Variants in CHRND observed in about 807,000 individuals in gnomAD.
The protein encoded by CHRND is cholinergic receptor nicotinic delta subunit, also known as acetylcholine receptor subunit delta.
CHRND carries 40 observed loss-of-function variants against 57.8 expected under a neutral mutation model. The observed-to-expected ratio is 0.69, with a 90% CI of 0.54 to 0.90. CHRND has a LOEUF of 0.90. CHRND is among the 40% of genes least tolerant of loss of function. The probability of loss-of-function intolerance (pLI) is 0.00; values close to 1 mark genes in which losing one functional copy is unlikely to be tolerated. For synonymous variants in CHRND, 237 were observed against 270.6 expected, an observed-to-expected ratio of 0.88 and a Z score of 1.22; for missense variants, 634 against 673.9, an observed-to-expected ratio of 0.94 and a Z score of 0.66.
intron 11 of CHRND, 98 bp from the exon 12 acceptor site, chr2:232,535,032 T>A: frequency 6.9e-7 from 1 of 1,446,194 alleles, no homozygotes; most frequent in South Asian, 1.2e-5. Flanking sequence ...GCAGGCACAC[T>A]GAGCCGCCCT....
chr2:232,528,150 C>T (rs1301838890), intron 3 of CHRND, 112 bp from the exon 4 acceptor site: 17 of 1,009,166 alleles, frequency 1.7e-5, no homozygotes, highest in African/African-American at 3.2e-5. Flanking sequence ...CTTCCCCAAA[C>T]CTCTTTTGTC....
rs539567539 is a variant in CHRND, at chr2:232,533,362, C to T, written c.1048-569C>T. 7.6e-4 allele frequency among the ~76,000 whole-genome samples: 116 copies of T among 152,246 alleles called. 2 individuals carry two copies. The highest frequency in any genetic ancestry group is 1.1e-3 in the Non-Finnish European group (78 of 68,016). On this transcript the variant is annotated intron_variant, in intron 9 of 11. Coordinates refer to ENST00000258385, the MANE Select transcript of CHRND (RefSeq NM_000751.3). ...CTTTCAGCATTTGATGGGGGAGACT[C>T]TAGCATTTGGAGCATTTACCTTAGT...
At chr2:232,529,838 T>A in intron 6 of CHRND, 101 bp from the exon 7 acceptor site, 1 of 1,309,982 alleles carries the variant, frequency 7.6e-7, no homozygotes. Context: ...CATCTGCGTC[T>A]CTGGACTGGC....
At chr2:232,535,053 G>A in intron 11 of CHRND, 77 bp from the exon 12 acceptor site, 2 of 1,569,484 alleles carry the variant, frequency 1.3e-6, no homozygotes, top group Non-Finnish European at 1.7e-6. Context: ...CTGCCTCCAT[G>A]GCTGGGCCCC....
rs759993951 is a variant in CHRND, at chr2:232,534,331, A to G, written c.1360A>G (p.Asn454Asp). The change falls in exon 11 of 12, where the codon AAT becomes GAT. Residue 454 changes from asparagine (N) to aspartate (D), a missense_variant. Physicochemically the swap from Asn to Asp is conservative, Grantham distance 23. Transcript: ENST00000258385. ...TGTTAACCACATGAGGGACCAGAAC[A>G]ATTACAATGAGGTAAGGGACCACAG... Reference protein sequence around the residue: ...FIVNHMRDQNNYNEEKDSWNR... With the variant: ...FIVNHMRDQNDYNEEKDSWNR... 1 of 1,614,104 alleles carries G rather than the reference A, an allele frequency of 6.2e-7. No homozygotes were observed. The highest frequency in any genetic ancestry group is 1.7e-5 in the Admixed American group (1 of 60,032).
In CHRND at chr2:232,534,214, T is replaced by G. The variant is rs199508773; in HGVS notation, c.1253-10T>G. ...CAGGCCTCACACCCACTCTGGCCCC[T>G]CGTCTGTAGGCCGGCCCCCAGCAAG... On this transcript the variant is annotated splice_polypyrimidine_tract_variant and intron_variant, in intron 10 of 11. Transcript: ENST00000258385. The G allele has an allele frequency of 9.4e-5, 151 of 1,613,992 alleles. No individual in the cohort carries two copies. Among genetic ancestry groups the G allele is most frequent in the Non-Finnish European group, 1.2e-4 (139 of 1,180,010 alleles).
rs950448426 is a variant in CHRND at position 232,535,516 on chromosome 2, C to T, written c.*204C>T. On this transcript the variant is annotated 3_prime_UTR_variant, in exon 12 of 12. Coordinates refer to ENST00000258385, the MANE Select transcript of CHRND (RefSeq NM_000751.3). ...CCCGAGATGGTCTGAGGGTGGACAT[C>T]GGCTACAGTGGGTGGGCAGGACGAT... is the stretch of plus-strand genomic sequence containing the variant. 6 of 748,712 alleles carry T rather than the reference C, an allele frequency of 8.0e-6. No individual in the cohort carries two copies. Among genetic ancestry groups the T allele is most frequent in the African/African-American group, 1.7e-5 (1 of 58,082 alleles). 46.4% of individuals were successfully genotyped at this position (748,712 alleles called of 1,614,324 possible).
In CHRND at chr2:232,534,104, G is replaced by T. The variant is rs144431038; in HGVS notation, c.1221G>T (p.Arg407=). The T allele has an allele frequency of 6.2e-6, 10 of 1,614,002 alleles. No homozygotes were observed. In the East Asian group the frequency reaches 1.6e-4, roughly 25 times the overall value. Residue 407 remains arginine (R), a synonymous_variant, in exon 10 of 12, where the codon CGG becomes CGT. Coordinates refer to ENST00000258385, the MANE Select transcript of CHRND (RefSeq NM_000751.3). ...TCATGTTCGAGAAGCAGTCAGAGCG[G>T]CATGGGCTGGCCAGGCGCCTCACCA... ...SDLMFEKQSE[R]HGLARRLTTA...
At position 232,536,604 on chromosome 2, in the gene CHRND, C is replaced by G. The variant is rs1245775140; in HGVS notation, c.*1292C>G. On this transcript the variant is annotated 3_prime_UTR_variant, in exon 12 of 12. Coordinates refer to ENST00000258385, the MANE Select transcript of CHRND (RefSeq NM_000751.3). ...TAAGCCAGAACCACCAGCTAAGTGA[C>G]TCCTGGATTCCTGACCCCCAGAAAC... The G allele has an allele frequency of 5.3e-6, 2 of 374,154 alleles. No homozygotes were observed. The highest frequency in any genetic ancestry group is 1.1e-5 in the Non-Finnish European group (2 of 188,860). The allele number at this position is 374,154 out of a possible 1,614,324, so 23.2% of individuals were successfully genotyped here.
At position 232,526,259 on chromosome 2, in the gene CHRND, C is replaced by A; in HGVS notation, c.44C>A (p.Ala15Glu). Residue 15 changes from alanine (A) to glutamate (E), a missense_variant, in exon 1 of 12, where the codon GCG becomes GAG. Transcript: ENST00000258385. ...VLTLGLLAAL[A>E]VCGSWGLNEE... ...ACACTGGGGCTGCTGGCTGCCCTGG[C>A]GGTGTGTGGTAAGGGAAGACACCCT... The A allele has an allele frequency of 1.9e-6, 3 of 1,612,958 alleles. No homozygotes were observed. The highest frequency in any genetic ancestry group is 1.8e-4 in the Middle Eastern group (1 of 5,688).
rs142634622 is a variant in CHRND, at chr2:232,528,132, G to C, written c.244-130G>C. The C allele has an allele frequency of 1.8e-4, 147 of 817,424 alleles. 1 individual carries two copies. In the African/African-American group the frequency reaches 1.8e-3, roughly 10 times the overall value. The allele number at this position is 817,424 out of a possible 1,614,324, so 50.6% of individuals were successfully genotyped here. On this transcript the variant is annotated intron_variant, in intron 3 of 11. Transcript: ENST00000258385. ...CATGACAGACCTGAATCCGCACTCT[G>C]TACCTGCCTTCCCCAAACCTCTTTT...
rs114463490 is a variant in CHRND, at chr2:232,535,288, C to G, written c.1530C>G (p.Asn510Lys). The G allele has an allele frequency of 1.2e-6, 2 of 1,613,960 alleles. No individual in the cohort carries two copies. Among genetic ancestry groups the G allele is most frequent in the South Asian group, 2.2e-5 (2 of 91,086 alleles). ...TTCCTGGGGACCCCTACTCCTACAA[C>G]GTGCAGGACAAGCGCTTCATCTAGG... is the stretch of plus-strand genomic sequence containing the variant. Reference protein sequence around the residue: ...QPFPGDPYSYNVQDKRFI With the variant: ...QPFPGDPYSYKVQDKRFI The change falls in exon 12 of 12, where the codon AAC becomes AAG. Residue 510 changes from asparagine (N) to lysine (K), a missense_variant. Physicochemically the swap from Asn to Lys is moderately conservative, Grantham distance 94. Coordinates refer to ENST00000258385, the MANE Select transcript of CHRND (RefSeq NM_000751.3).
intron 9 of CHRND, among the ~76,000 whole-genome samples, chr2:232,532,800 A>G (rs1301206749): frequency 6.6e-6 from 1 of 152,090 alleles, no homozygotes; most frequent in Non-Finnish European, 1.5e-5. Context: ...ATTTTTGGGG[A>G]TCATGTTCAC....
rs1433400019 is a variant in CHRND at position 232,536,031 on chromosome 2, G to C, written c.*719G>C. 1 of 453,914 alleles carries C rather than the reference G, an allele frequency of 2.2e-6. No individual in the cohort carries two copies. Among genetic ancestry groups the C allele is most frequent in the Non-Finnish European group, 4.4e-6 (1 of 226,800 alleles). The allele number at this position is 453,914 out of a possible 1,614,324, so 28.1% of individuals were successfully genotyped here. ...ATTAGGGTTGTCATGCATTATTTGG[G>C]GCATACATATTCTAAAAAATCATTC... is the stretch of plus-strand genomic sequence containing the variant. On this transcript the variant is annotated 3_prime_UTR_variant, in exon 12 of 12. Transcript: ENST00000258385.
At chr2:232,528,157 T>G in intron 3 of CHRND, 105 bp from the exon 4 acceptor site, 8 of 1,082,960 alleles carry the variant, frequency 7.4e-6, no homozygotes, top group Non-Finnish European at 1.1e-5. Flanking sequence ...AAACCTCTTT[T>G]GTCACAGCTC....
At position 232,534,230 on chromosome 2, in the gene CHRND, C is replaced by T. The variant is rs1691811061; in HGVS notation, c.1259C>T (p.Pro420Leu). ...LARRLTTARR[P>L]PASSEQAQQE... is the part of the protein sequence containing the mutation. ...TCTGGCCCCTCGTCTGTAGGCCGGC[C>T]CCCAGCAAGCTCTGAGCAGGCCCAG... Residue 420 changes from proline to leucine, a missense_variant, in exon 11 of 12, where the codon CCC (proline) becomes CTC (leucine). Coordinates refer to ENST00000258385, the MANE Select transcript of CHRND (RefSeq NM_000751.3). 1 of 1,614,174 alleles carries T rather than the reference C, an allele frequency of 6.2e-7. No homozygotes were observed. Among genetic ancestry groups the T allele is most frequent in the South Asian group, 1.1e-5 (1 of 91,090 alleles).
intron 9 of CHRND, among the ~76,000 whole-genome samples, chr2:232,533,210 G>A (rs1691770265): frequency 6.6e-6 from 1 of 152,064 alleles, no homozygotes; most frequent in African/African-American, 2.4e-5. Flanking sequence ...TAGTAGCGAT[G>A]GGTTTCACCA....
At chr2:232,527,311 A>AAAGG (rs34885768) in intron 2 of CHRND, 90 bp from the exon 3 acceptor site, 1 of 661,650 alleles carries the variant, frequency 1.5e-6, no homozygotes, top group Admixed American at 2.8e-5. Context: ...GGAAAAAAAA[A>AAAGG]GAGAGAGAGA....
rs1374566262 is a variant in CHRND, at chr2:232,535,242, A to G, written c.1484A>G (p.Asn495Ser). 1 of 1,614,056 alleles carries G rather than the reference A, an allele frequency of 6.2e-7. No individual in the cohort carries two copies. Among genetic ancestry groups the G allele is most frequent in the African/African-American group, 1.3e-5 (1 of 74,926 alleles). The change falls in exon 12 of 12, where the codon AAC (asparagine) becomes AGC (serine). Residue 495 changes from asparagine (N) to serine (S), a missense_variant. Transcript: ENST00000258385. Reference sequence around the variant, plus strand: ...TGGATCTTCCTGCAGGGCGTTTACAACCAGCCACCACCCCAGCCTTTTCCT... The same window carrying G: ...TGGATCTTCCTGCAGGGCGTTTACAGCCAGCCACCACCCCAGCCTTTTCCT... Reference protein sequence around the residue: ...TAWIFLQGVYNQPPPQPFPGD... With the variant: ...TAWIFLQGVYSQPPPQPFPGD...
Sources: gnomAD v4.1 joint callset for allele counts (sites outside exome capture counted in the v4.1 genomes callset) on GRCh38, gnomAD v4.1.1 for gene constraint, MANE v1.5 for transcripts, NCBI Gene and HGNC (gene_info 2026-07-23, HGNC 2026-07-21) for gene names.